The following PARD3B variants were observed in gnomAD, a reference collection of about 807,000 sequenced individuals.
PARD3B encodes the protein par-3 family cell polarity regulator beta, also known as partitioning defective 3 homolog B.
PARD3B carries 103 observed loss-of-function variants against 130.2 expected under a neutral mutation model. The observed-to-expected ratio is 0.79, with a 90% CI of 0.67 to 0.93. The LOEUF is 0.93. PARD3B is among the 40% of genes least tolerant of loss of function. The pLI, the probability that PARD3B is intolerant of heterozygous loss-of-function variation, is 0.00. For missense variants in PARD3B, 1,609 were observed against 1,499.2 expected (o/e 1.07, Z -1.21); for synonymous variants, 583 against 553.2 (o/e 1.05, Z -0.76).
chr2:205,343,081 A>G (rs11677457), intron 18 of PARD3B, among the ~76,000 whole-genome samples: 90,466 of 152,082 alleles, frequency 0.59, 30,588 homozygotes, highest in South Asian at 0.77. Context: ...TAAATCTTGT[A>G]TGTCTCAAGT....
At chr2:204,931,121 T>G (rs1687999275) in intron 2 of PARD3B, among the ~76,000 whole-genome samples, 1 of 152,088 alleles carries the variant, frequency 6.6e-6, no homozygotes, top group South Asian at 2.1e-4. Flanking sequence ...GAATCAACCT[T>G]GAAAGATCTT....
chr2:204,967,609 A>C lies in PARD3B; in HGVS notation c.394+2286A>C, dbSNP rs2125859909. ...GAATGACGTAAAAAAATCATCCCTT[A>C]CCCACTTTCATGGTTCTAGCAGTTT... On this transcript the variant is annotated intron_variant, in intron 3 of 22. Transcript: ENST00000406610. This position sits in a 1 kb window ranked among gnomAD's most constrained non-coding sequence, Gnocchi z 4.4. 6.6e-6 allele frequency among the ~76,000 whole-genome samples: 1 copy of C among 152,284 alleles called. No homozygotes were observed.
At chr2:205,416,158 T>A (rs1243366392) in intron 19 of PARD3B, among the ~76,000 whole-genome samples, 1 of 152,112 alleles carries the variant, frequency 6.6e-6, no homozygotes, top group Non-Finnish European at 1.5e-5. Context: ...TGAAGAAGAC[T>A]TAGCTGTCTG....
At position 205,182,123 on chromosome 2, in the gene PARD3B, T is replaced by C. The variant is rs138033716; in HGVS notation, c.1925-3641T>C. 5.2e-3 allele frequency among the ~76,000 whole-genome samples: 798 copies of C among 152,180 alleles called. 8 individuals carry two copies. The highest frequency in any genetic ancestry group is 0.017 in the African/African-American group (720 of 41,524). Reference sequence around the variant, plus strand: ...CTGGCTAACACAGTGAAATCCCTTCTCTACTTAAAATACAAAAAATTAGCT... The same window carrying C: ...CTGGCTAACACAGTGAAATCCCTTCCCTACTTAAAATACAAAAAATTAGCT... On this transcript the variant is annotated intron_variant, in intron 13 of 22. Coordinates refer to ENST00000406610, the MANE Select transcript of PARD3B (RefSeq NM_001302769.2).
chr2:205,200,374 C>A (rs990789492), intron 15 of PARD3B, among the ~76,000 whole-genome samples: 1 of 152,130 alleles, frequency 6.6e-6, no homozygotes, highest in African/African-American at 2.4e-5. Flanking sequence ...TTATACAAAG[C>A]AAACAGACCT....
At chr2:205,605,223 CA>C (rs1462076032) in intron 22 of PARD3B, among the ~76,000 whole-genome samples, 2 of 152,186 alleles carry the variant, frequency 1.3e-5, no homozygotes, top group African/African-American at 4.8e-5. Context: ...TCATCCATCC[CA>C]GCCTCTGCCC....
Position 205,254,789 on chromosome 2 carries a change from C to A in PARD3B, c.2185+8967C>A, listed in dbSNP as rs555570125. On this transcript the variant is annotated intron_variant, in intron 16 of 22. Transcript: ENST00000406610. ...ACGCCATTCTCCTGCCTCAGCCTCC[C>A]GAGTAGCTGGGACTACAGGCGCCCG... Among the ~76,000 whole-genome samples, 465 of 151,238 alleles carry A rather than the reference C, an allele frequency of 3.1e-3. 2 individuals carry two copies. Among genetic ancestry groups the A allele is most frequent in the African/African-American group, 0.011 (438 of 41,174 alleles).
intron 20 of PARD3B, among the ~76,000 whole-genome samples, chr2:205,448,833 T>A (rs2047997289): frequency 6.6e-6 from 1 of 152,162 alleles, no homozygotes; most frequent in Non-Finnish European, 1.5e-5. Context: ...ACCATGTTTG[T>A]GAAAATCCAT....
In PARD3B at chr2:205,444,620, T is replaced by A. The variant is rs115791515; in HGVS notation, c.3044+3948T>A. ...ATAATTGGGGAATGAGCTGATGGATTTGTGTTTTGGGAAAATAGCTCTTCC... is the reference window on the plus strand; with the variant it reads ...ATAATTGGGGAATGAGCTGATGGATATGTGTTTTGGGAAAATAGCTCTTCC... On this transcript the variant is annotated intron_variant, in intron 20 of 22. Transcript: ENST00000406610. Among the ~76,000 whole-genome samples, 847 of 152,268 alleles carry A rather than the reference T, an allele frequency of 5.6e-3. 12 individuals are homozygous for A. Among genetic ancestry groups the A allele is most frequent in the African/African-American group, 0.019 (802 of 41,532 alleles).
At chr2:204,617,653 T>C (rs1442386456) in intron 1 of PARD3B, among the ~76,000 whole-genome samples, 1 of 152,124 alleles carries the variant, frequency 6.6e-6, no homozygotes, top group Non-Finnish European at 1.5e-5. Flanking sequence ...TACAGACAAT[T>C]TTGTCACCCA....
At chr2:205,156,240 C>T (rs849126) in intron 10 of PARD3B, among the ~76,000 whole-genome samples, 1,435 of 112,996 alleles carry the variant, frequency 0.013, 23 homozygotes, top group African/African-American at 0.039. Flanking sequence ...GGAAGGGGAA[C>T]ATCACACTCT....
At chr2:204,734,655 C>T (rs557102531) in intron 2 of PARD3B, among the ~76,000 whole-genome samples, 1 of 152,100 alleles carries the variant, frequency 6.6e-6, no homozygotes, top group Non-Finnish European at 1.5e-5. Flanking sequence ...ACACCAGAGA[C>T]TGTATACTAT....
chr2:204,687,589 G>C (rs1427293478), intron 2 of PARD3B, among the ~76,000 whole-genome samples: 6 of 152,108 alleles, frequency 3.9e-5, no homozygotes, highest in Non-Finnish European at 8.8e-5. Flanking sequence ...GACTCTTGCT[G>C]TATGTAATTT....
intron 3 of PARD3B, among the ~76,000 whole-genome samples, chr2:204,972,624 C>T (rs1316187582): frequency 6.6e-6 from 1 of 152,038 alleles, no homozygotes; most frequent in Non-Finnish European, 1.5e-5. Context: ...TACATGTAAC[C>T]ATTTAACCAA....
intron 20 of PARD3B, among the ~76,000 whole-genome samples, chr2:205,469,487 A>G (rs2048748847): frequency 6.6e-6 from 1 of 152,192 alleles, no homozygotes; most frequent in African/African-American, 2.4e-5. Context: ...AAGTATCCTT[A>G]GATGAAGGAC....
At position 204,610,602 on chromosome 2, in the gene PARD3B, C is replaced by T. The variant is rs2125115614; in HGVS notation, c.120+64483C>T. 6.6e-6 allele frequency among the ~76,000 whole-genome samples: 1 copy of T among 152,282 alleles called. No individual in the cohort carries two copies. Among genetic ancestry groups the T allele is most frequent in the East Asian group, 1.9e-4 (1 of 5,160 alleles). ...CTCAAACTCCTGACCTCAGGTGATC[C>T]ACCCGCATTGGCCTCCCAAAGTGCT... is the stretch of plus-strand genomic sequence containing the variant. On this transcript the variant is annotated intron_variant, in intron 1 of 22. Coordinates refer to ENST00000406610, the MANE Select transcript of PARD3B (RefSeq NM_001302769.2). The surrounding 1 kb of genome is among the most constrained non-coding windows in gnomAD (Gnocchi z 4.1).
intron 10 of PARD3B, among the ~76,000 whole-genome samples, chr2:205,149,307 A>T (rs1179674707): frequency 6.6e-6 from 1 of 152,056 alleles, no homozygotes; most frequent in African/African-American, 2.4e-5. Context: ...CAAACTCCTG[A>T]CCTCAAGTCA....
intron 1 of PARD3B, among the ~76,000 whole-genome samples, chr2:204,615,429 CTGACT>C (rs2034074189): frequency 1.3e-5 from 2 of 152,184 alleles, no homozygotes; most frequent in Admixed American, 1.3e-4. Context: ...CATTGGTTGA[CTGACT>C]TATGCTAATC....
chr2:204,706,642 A>G (rs1406175528), intron 2 of PARD3B, among the ~76,000 whole-genome samples: 2 of 147,144 alleles, frequency 1.4e-5, no homozygotes, highest in East Asian at 4.1e-4. Flanking sequence ...GTCTAGGGTG[A>G]TGATCTCGGT....
Sources: gnomAD v4.1 joint callset for allele counts (sites outside exome capture counted in the v4.1 genomes callset) on GRCh38, gnomAD v4.1.1 for gene constraint, Gnocchi (gnomAD v3.1) non-coding constraint, MANE v1.5 for transcripts, NCBI Gene and HGNC (gene_info 2026-07-23, HGNC 2026-07-21) for gene names.